Variants in PIK3CD observed in about 807,000 individuals in gnomAD.
PIK3CD encodes phosphatidylinositol-4,5-bisphosphate 3-kinase catalytic subunit delta, also known as phosphatidylinositol 4,5-bisphosphate 3-kinase catalytic subunit delta isoform.
Under a neutral mutation model 122.9 loss-of-function variants are expected in PIK3CD, and 20 were observed. That is an observed-to-expected ratio of 0.16 (90% confidence interval 0.11 to 0.24). The LOEUF (loss-of-function observed/expected upper bound fraction) is 0.24. Among genes scored for constraint, PIK3CD ranks in the 10% least tolerant of loss-of-function variants. The probability of loss-of-function intolerance (pLI) is 1.00; values close to 1 mark genes in which losing one functional copy is unlikely to be tolerated. For missense variants in PIK3CD, 787 were observed against 1,406.3 expected (o/e 0.56, Z 7.04); for synonymous variants, 596 against 593.4 (o/e 1.00, Z -0.06).
At chr1:9,647,481 A>AATTATTATT (rs61118085), upstream of PIK3CD, among the ~76,000 whole-genome samples, 10,392 of 139,382 alleles carry the variant, frequency 0.075, 485 homozygotes, top group Middle Eastern at 0.096. Context: ...TCATGATTCT[A>AATTATTATT]ATTATTATTA....
At chr1:9,678,268 A>T (rs1161644071) in intron 1 of PIK3CD, among the ~76,000 whole-genome samples, 1 of 152,088 alleles carries the variant, frequency 6.6e-6, no homozygotes, top group Non-Finnish European at 1.5e-5. Flanking sequence ...TGGGCCATAT[A>T]GGGAAACCCT....
the PIK3CD span, among the ~76,000 whole-genome samples, chr1:9,638,035 A>C: frequency 6.6e-6 from 1 of 152,094 alleles, no homozygotes; most frequent in Non-Finnish European, 1.5e-5. Context: ...TGAACCCGGG[A>C]GGTAGAGGTT....
upstream of PIK3CD, among the ~76,000 whole-genome samples, chr1:9,650,574 A>AGAT (rs1373789320): frequency 6.6e-6 from 1 of 152,140 alleles, no homozygotes; most frequent in Non-Finnish European, 1.5e-5. Flanking sequence ...CAGTGAGCCG[A>AGAT]GATGGCACCA....
chr1:9,673,632 G>A (rs75489627), intron 1 of PIK3CD, among the ~76,000 whole-genome samples: 6,259 of 151,900 alleles, frequency 0.041, 182 homozygotes, highest in Non-Finnish European at 0.061. Context: ...CGAACTCCTG[G>A]GCTCAAGCAT....
Position 9,728,920 on chromosome 1 carries a change from GA to G in PIK3CD, c.*1879del, listed in dbSNP as rs1228055081. 1 of 152,182 alleles carries G rather than the reference GA, an allele frequency of 6.6e-6. No homozygotes were observed. Among genetic ancestry groups the G allele is most frequent in the Non-Finnish European group, 1.5e-5 (1 of 68,030 alleles). The allele number at this position is 152,182 out of a possible 1,614,324, so 9.4% of individuals were successfully genotyped here. ...AGAAGTAAAGGCAGATGAAAAGAAA[GA>G]AAAAGCCTTTTTATGTTCTTTTATG... On this transcript the variant is annotated 3_prime_UTR_variant, in exon 24 of 24. Coordinates refer to ENST00000377346, the MANE Select transcript of PIK3CD (RefSeq NM_005026.5).
chr1:9,710,928 G>A lies in PIK3CD; in HGVS notation c.141+332G>A, dbSNP rs1283331888. On this transcript the variant is annotated intron_variant, in intron 3 of 23. Transcript: ENST00000377346. This position sits in a 1 kb window ranked among gnomAD's most constrained non-coding sequence, Gnocchi z 4.7. Reference sequence around the variant, plus strand: ...AGCCTCCTGAGTAGCTGGGATTACAGGCATGCACCATCACGCCCAACTAAT... The same window carrying A: ...AGCCTCCTGAGTAGCTGGGATTACAAGCATGCACCATCACGCCCAACTAAT... Among the ~76,000 whole-genome samples the A allele has an allele frequency of 1.3e-5, 2 of 152,030 alleles. No individual in the cohort carries two copies. The highest frequency in any genetic ancestry group is 3.9e-4 in the East Asian group (2 of 5,188).
the PIK3CD span, among the ~76,000 whole-genome samples, chr1:9,643,813 G>T: frequency 6.6e-6 from 1 of 152,208 alleles, no homozygotes; most frequent in Admixed American, 6.5e-5. Flanking sequence ...AGGCAGTTTG[G>T]TTCCAAAGAA....
At chr1:9,675,372 C>G (rs1170753195) in intron 1 of PIK3CD, among the ~76,000 whole-genome samples, 15 of 120,546 alleles carry the variant, frequency 1.2e-4, no homozygotes, top group Admixed American at 4.3e-4. Flanking sequence ...GGCCACAGAG[C>G]GAGACTCCGT....
chr1:9,637,341 G>A, the PIK3CD span, among the ~76,000 whole-genome samples: 1 of 152,052 alleles, frequency 6.6e-6, no homozygotes, highest in African/African-American at 2.4e-5. Flanking sequence ...ACCAGCCCAG[G>A]CAACATAGTG....
intron 1 of PIK3CD, among the ~76,000 whole-genome samples, chr1:9,666,225 G>GTTT (rs1394550198): frequency 1.0e-5 from 1 of 97,410 alleles, no homozygotes; most frequent in African/African-American, 4.2e-5. Context: ...ACCGCGCCCG[G>GTTT]TCTTTTTTTT....
intron 2 of PIK3CD, among the ~76,000 whole-genome samples, chr1:9,698,073 T>C (rs1181118998): frequency 6.6e-6 from 1 of 152,184 alleles, no homozygotes; most frequent in Non-Finnish European, 1.5e-5. Flanking sequence ...CACGTACTTG[T>C]ATAACTTTCC....
rs1646589234 is a variant in PIK3CD, at chr1:9,700,600, C to T, written c.-33+9029C>T. ...CACTGGGTGACGCGACCCCAGCTCC[C>T]CGCTCTGTGTCTAGGCCGTCTCACC... On this transcript the variant is annotated intron_variant, in intron 2 of 23. Transcript: ENST00000377346. The surrounding 1 kb of genome is among the most constrained non-coding windows in gnomAD (Gnocchi z 5.1). Among the ~76,000 whole-genome samples, 1 of 152,124 alleles carries T rather than the reference C, an allele frequency of 6.6e-6. No homozygotes were observed. The highest frequency in any genetic ancestry group is 2.4e-5 in the African/African-American group (1 of 41,406).
chr1:9,639,095 A>G, the PIK3CD span, among the ~76,000 whole-genome samples: 3 of 152,228 alleles, frequency 2.0e-5, no homozygotes, highest in East Asian at 5.8e-4. Context: ...GTATCTTTTT[A>G]GAGGCCACCA....
intron 1 of PIK3CD, chr1:9,653,859 G>C: frequency 7.3e-7 from 1 of 1,367,558 alleles, no homozygotes; most frequent in South Asian, 1.1e-5. Context: ...TCCTCTTTTG[G>C]TGCTTTCACA....
chr1:9,719,911 CCTT>C lies in PIK3CD; in HGVS notation c.1243-7_1243-5del, dbSNP rs746885189. The C allele has an allele frequency of 4.3e-6, 7 of 1,611,898 alleles. No individual in the cohort carries two copies. In the South Asian group the frequency reaches 5.5e-5, roughly 13 times the overall value. On this transcript the variant is annotated splice_region_variant and splice_polypyrimidine_tract_variant and intron_variant, in intron 9 of 23. Coordinates refer to ENST00000377346, the MANE Select transcript of PIK3CD (RefSeq NM_005026.5). This position sits in a 1 kb window ranked among gnomAD's most constrained non-coding sequence, Gnocchi z 5.5. ...GAGTGGCTGTCCTCACCTGCCCTGT[CCTT>C]CTGCAGGACTGCCCCATTGCCTGGG...
In PIK3CD at chr1:9,704,282, C is replaced by A. The variant is rs1409689013; in HGVS notation, c.-32-6142C>A. On this transcript the variant is annotated intron_variant, in intron 2 of 23. Transcript: ENST00000377346. This position sits in a 1 kb window ranked among gnomAD's most constrained non-coding sequence, Gnocchi z 5.0. ...TAAGGTGTAGTTGAAGACTTCATTT[C>A]CAGAGTGCTAAGGGGCAGGAGAGTG... Among the ~76,000 whole-genome samples, 1 of 152,176 alleles carries A rather than the reference C, an allele frequency of 6.6e-6. No individual in the cohort carries two copies. The highest frequency in any genetic ancestry group is 1.5e-5 in the Non-Finnish European group (1 of 68,034).
intron 2 of PIK3CD, among the ~76,000 whole-genome samples, chr1:9,709,963 G>A (rs1646984176): frequency 6.6e-6 from 1 of 151,708 alleles, no homozygotes; most frequent in African/African-American, 2.4e-5. Flanking sequence ...CCGAGGTGGT[G>A]CCACTGCACT....
chr1:9,673,600 G>T (rs915417007), intron 1 of PIK3CD, among the ~76,000 whole-genome samples: 1 of 151,724 alleles, frequency 6.6e-6, no homozygotes, highest in Admixed American at 6.6e-5. Flanking sequence ...ACGAAGTCTG[G>T]CTATGTTGCC....
At chr1:9,691,438 T>A (rs986895341) in intron 1 of PIK3CD, 29 bp from the exon 2 acceptor site, 2 of 397,678 alleles carry the variant, frequency 5.0e-6, no homozygotes, top group African/African-American at 4.1e-5. Flanking sequence ...AATAGTTTTC[T>A]TTCTTTCTTT....
Sources: gnomAD v4.1 joint callset for allele counts (sites outside exome capture counted in the v4.1 genomes callset) on GRCh38, gnomAD v4.1.1 for gene constraint, Gnocchi (gnomAD v3.1) non-coding constraint, MANE v1.5 for transcripts, NCBI Gene and HGNC (gene_info 2026-07-23, HGNC 2026-07-21) for gene names.